CD2AP: variants seen among roughly 807,000 people sequenced by gnomAD.
CD2AP encodes CD2-associated protein.
In CD2AP, 46 loss-of-function variants were observed where a neutral mutation model predicts 85.1. The observed-to-expected ratio is 0.54, with a 90% CI of 0.43 to 0.69. CD2AP has a LOEUF of 0.69. CD2AP is among the 30% of genes least tolerant of loss of function. The probability of loss-of-function intolerance (pLI) is 0.00; values close to 1 mark genes in which losing one functional copy is unlikely to be tolerated. For synonymous variants in CD2AP, 255 were observed against 252.9 expected (o/e 1.01, Z -0.08); for missense variants, 769 against 729.5 (o/e 1.05, Z -0.62).
rs965388114 is a variant in CD2AP, at chr6:47,611,457, T to C, written c.1815-1016T>C. Among the ~76,000 whole-genome samples the C allele has an allele frequency of 2.0e-5, 3 of 151,888 alleles. No homozygotes were observed. The South Asian group carries it at 6.2e-4, about 31-fold the overall frequency. On this transcript the variant is annotated intron_variant, in intron 16 of 17. Transcript: ENST00000359314. The stretch of plus-strand genomic sequence containing the variant: ...ACTGGTAATATTTTATTTCTTTACT[T>C]GGAGTTCAGAGGTTTTCGCTTTACT...
At chr6:47,555,929 A>G (rs1442473366) in intron 5 of CD2AP, among the ~76,000 whole-genome samples, 2 of 151,740 alleles carry the variant, frequency 1.3e-5, no homozygotes, top group Non-Finnish European at 2.9e-5. Context: ...CAGTACTTTC[A>G]GTGTCTTACA....
chr6:47,483,371 GTGGC>G (rs1765491238), intron 1 of CD2AP, among the ~76,000 whole-genome samples: 1 of 152,162 alleles, frequency 6.6e-6, no homozygotes, highest in African/African-American at 2.4e-5. Flanking sequence ...GAGTGGTATG[GTGGC>G]TGGTAGCAGG....
At chr6:47,567,084 G>GTTT (rs34283930) in intron 5 of CD2AP, among the ~76,000 whole-genome samples, 1 of 145,818 alleles carries the variant, frequency 6.9e-6, no homozygotes, top group African/African-American at 2.5e-5. Context: ...TGATTTCCCA[G>GTTT]TTTTTTTTTT....
intron 1 of CD2AP, among the ~76,000 whole-genome samples, chr6:47,490,919 A>T (rs140252241): frequency 1.3e-5 from 2 of 152,196 alleles, no homozygotes; most frequent in Non-Finnish European, 2.9e-5. Context: ...GTTGAAAAAC[A>T]TGTAAGAAAT....
chr6:47,617,722 A>G (rs1769629107), intron 17 of CD2AP, among the ~76,000 whole-genome samples: 1 of 139,542 alleles, frequency 7.2e-6, no homozygotes, highest in African/African-American at 2.5e-5. Flanking sequence ...TGAGTACTCT[A>G]ATTCTTATCT....
intron 5 of CD2AP, among the ~76,000 whole-genome samples, chr6:47,561,115 A>G (rs1235841012): frequency 6.6e-6 from 1 of 152,186 alleles, no homozygotes; most frequent in Non-Finnish European, 1.5e-5. Flanking sequence ...AACTTCTGTG[A>G]CTTTTTAAAA....
At chr6:47,588,401 T>G (rs1768688193) in intron 11 of CD2AP, among the ~76,000 whole-genome samples, 1 of 152,158 alleles carries the variant, frequency 6.6e-6, no homozygotes, top group Non-Finnish European at 1.5e-5. Flanking sequence ...TAGGGAATAC[T>G]TAATGCAGTA....
intron 1 of CD2AP, among the ~76,000 whole-genome samples, chr6:47,497,212 T>G (rs1188411393): frequency 6.6e-6 from 1 of 151,982 alleles, no homozygotes; most frequent in Admixed American, 6.6e-5. Flanking sequence ...CTTTTTGCTT[T>G]CCCCTTTTTC....
intron 11 of CD2AP, among the ~76,000 whole-genome samples, chr6:47,588,388 A>G (rs549323422): frequency 1.3e-5 from 2 of 152,172 alleles, no homozygotes; most frequent in Non-Finnish European, 2.9e-5. Flanking sequence ...GGTATATAAT[A>G]CATAGGGAAT....
intron 1 of CD2AP, among the ~76,000 whole-genome samples, chr6:47,484,870 GAGCCCCTT>G (rs1765528387): frequency 6.6e-6 from 1 of 152,138 alleles, no homozygotes; most frequent in South Asian, 2.1e-4. Flanking sequence ...ATGCAATCAT[GAGCCCCTT>G]AGGAATGTTT....
intron 2 of CD2AP, among the ~76,000 whole-genome samples, chr6:47,525,202 A>G (rs1176953721): frequency 6.6e-6 from 1 of 152,138 alleles, no homozygotes; most frequent in East Asian, 1.9e-4. Flanking sequence ...AGTTGGCAGT[A>G]TATACCAGAT....
chr6:47,478,208 G>A lies in CD2AP; in HGVS notation c.-37G>A. On this transcript the variant is annotated 5_prime_UTR_variant, in exon 1 of 18. Transcript: ENST00000359314. ...GCCACCACTGGAGGAGGAGGAGGAGGAGCGGACGTCGGCTTCTCCCCGCGG... is the reference window on the plus strand; with the variant it reads ...GCCACCACTGGAGGAGGAGGAGGAGAAGCGGACGTCGGCTTCTCCCCGCGG... The A allele has an allele frequency of 6.4e-7, 1 of 1,564,296 alleles. No individual in the cohort carries two copies. The highest frequency in any genetic ancestry group is 8.7e-7 in the Non-Finnish European group (1 of 1,155,082).
intron 1 of CD2AP, among the ~76,000 whole-genome samples, chr6:47,499,602 C>T (rs1236941799): frequency 6.6e-6 from 1 of 152,150 alleles, no homozygotes; most frequent in Non-Finnish European, 1.5e-5. Context: ...CTTACTTACC[C>T]TTTCTCCTGG....
intron 4 of CD2AP, among the ~76,000 whole-genome samples, chr6:47,553,000 T>A (rs975099942): frequency 7.9e-5 from 12 of 152,060 alleles, no homozygotes; most frequent in Non-Finnish European, 1.3e-4. Context: ...ATTTTTTTTT[T>A]ATTCTTTCAA....
chr6:47,479,593 G>T (rs1188827063), intron 1 of CD2AP, among the ~76,000 whole-genome samples: 1 of 152,100 alleles, frequency 6.6e-6, no homozygotes, highest in Non-Finnish European at 1.5e-5. Context: ...GAGCTTGCAG[G>T]GCAATTGTGG....
intron 5 of CD2AP, among the ~76,000 whole-genome samples, chr6:47,555,704 T>C (rs1038115649): frequency 6.6e-6 from 1 of 152,248 alleles, no homozygotes; most frequent in Non-Finnish European, 1.5e-5. Context: ...TATCTTTACA[T>C]ACAAGATCAT....
In CD2AP at chr6:47,497,698, G is replaced by T. The variant is rs1765900755; in HGVS notation, c.5-5582G>T. Among the ~76,000 whole-genome samples the T allele has an allele frequency of 1.3e-5, 2 of 152,186 alleles. 1 individual carries two copies. The highest frequency in any genetic ancestry group is 1.3e-4 in the Admixed American group (2 of 15,282). On this transcript the variant is annotated intron_variant, in intron 1 of 17. Coordinates refer to ENST00000359314, the MANE Select transcript of CD2AP (RefSeq NM_012120.3). ...CAAAGTGTTGGGATTACAGGTGTGA[G>T]CTGCAACTGCACCCGGACAATTATA...
chr6:47,549,558 A>G (rs1046504589), intron 4 of CD2AP, among the ~76,000 whole-genome samples: 1 of 152,104 alleles, frequency 6.6e-6, no homozygotes, highest in African/African-American at 2.4e-5. Context: ...GCTGAAAGAA[A>G]TAGACGACAA....
intron 2 of CD2AP, among the ~76,000 whole-genome samples, chr6:47,517,042 C>G (rs1766468048): frequency 6.6e-6 from 1 of 152,088 alleles, no homozygotes; most frequent in Non-Finnish European, 1.5e-5. Flanking sequence ...GCTGATCTGG[C>G]ATGAATGATT....
Sources: allele counts gnomAD v4.1 joint callset (sites outside exome capture counted in the v4.1 genomes callset), GRCh38; gene constraint gnomAD v4.1.1; transcripts MANE v1.5; gene names NCBI Gene and HGNC (gene_info 2026-07-23, HGNC 2026-07-21).